SORCS2: variants seen among roughly 807,000 people sequenced by gnomAD.
SORCS2 encodes VPS10 domain-containing receptor SorCS2.
Under a neutral mutation model 141.6 loss-of-function variants are expected in SORCS2, and 100 were observed. The ratio of observed to expected loss-of-function variants is 0.71; its 90% confidence interval spans 0.60 to 0.83. The LOEUF (loss-of-function observed/expected upper bound fraction) is 0.83, where lower values mean the gene tolerates loss of function less well. Ranked by LOEUF, SORCS2 falls within the 40% of genes least tolerant of loss-of-function variation. The pLI, the probability that SORCS2 is intolerant of heterozygous loss-of-function variation, is 0.00. For synonymous variants in SORCS2, 789 were observed against 676.9 expected, an observed-to-expected ratio of 1.17 and a Z score of -2.57; for missense variants, 1,646 against 1,560.2, an observed-to-expected ratio of 1.05 and a Z score of -0.93.
chr4:7,535,929 T>C (rs907702644), intron 3 of SORCS2, among the ~76,000 whole-genome samples: 3 of 152,222 alleles, frequency 2.0e-5, no homozygotes, highest in African/African-American at 7.2e-5. Context: ...AGAGAACAAA[T>C]TAATTATCAG....
intron 1 of SORCS2, among the ~76,000 whole-genome samples, chr4:7,279,015 T>C (rs1354485114): frequency 6.6e-6 from 1 of 152,128 alleles, no homozygotes; most frequent in Non-Finnish European, 1.5e-5. Flanking sequence ...GAAGCCACCA[T>C]CTACCCCTGC....
chr4:7,591,668 A>AG (rs963083469), intron 3 of SORCS2, among the ~76,000 whole-genome samples: 2 of 152,268 alleles, frequency 1.3e-5, no homozygotes, highest in Admixed American at 6.5e-5. Flanking sequence ...AACGATGACG[A>AG]GGGGGGTGTT....
intron 1 of SORCS2, among the ~76,000 whole-genome samples, chr4:7,387,567 G>A (rs1235329073): frequency 8.6e-5 from 11 of 127,880 alleles, no homozygotes; most frequent in African/African-American, 1.2e-4. Flanking sequence ...ATGTACACAC[G>A]CACACATGCA....
intron 2 of SORCS2, among the ~76,000 whole-genome samples, chr4:7,458,201 G>C (rs761219635): frequency 2.0e-5 from 3 of 152,190 alleles, no homozygotes; most frequent in Non-Finnish European, 2.9e-5. Flanking sequence ...TCCTCCTGTG[G>C]GGCGGGGGGA....
At chr4:7,296,776 ACT>A (rs1488285489) in intron 1 of SORCS2, among the ~76,000 whole-genome samples, 2 of 151,708 alleles carry the variant, frequency 1.3e-5, no homozygotes, top group Non-Finnish European at 2.9e-5. Context: ...AAGACATCAG[ACT>A]CTTTCCGGAG....
chr4:7,483,566 C>T (rs751457676), intron 2 of SORCS2, among the ~76,000 whole-genome samples: 3 of 152,120 alleles, frequency 2.0e-5, no homozygotes, highest in Non-Finnish European at 4.4e-5. Flanking sequence ...TTATAAGCCA[C>T]ACTGTGCGGG....
chr4:7,321,091 G>A (rs921923526), intron 1 of SORCS2, among the ~76,000 whole-genome samples: 3 of 152,008 alleles, frequency 2.0e-5, no homozygotes, highest in South Asian at 2.1e-4. Context: ...CCTCAAGCCC[G>A]TCACTCCTGT....
intron 3 of SORCS2, among the ~76,000 whole-genome samples, chr4:7,578,973 G>A (rs1560400992): frequency 6.6e-6 from 1 of 152,198 alleles, no homozygotes; most frequent in Non-Finnish European, 1.5e-5. Flanking sequence ...GTCTTCCCAT[G>A]ATGCCCCCTG....
chr4:7,499,378 G>A (rs1322119964), intron 2 of SORCS2, among the ~76,000 whole-genome samples: 2 of 152,142 alleles, frequency 1.3e-5, no homozygotes, highest in South Asian at 2.1e-4. Context: ...GCAGGGAAGG[G>A]CACAGACTTG....
chr4:7,361,903 G>C (rs950130197), intron 1 of SORCS2, among the ~76,000 whole-genome samples: 3 of 152,032 alleles, frequency 2.0e-5, no homozygotes, highest in Non-Finnish European at 2.9e-5. Context: ...GAAGCGGTGG[G>C]GGGGAGGACG....
chr4:7,594,727 G>T (rs1717144084), intron 3 of SORCS2, among the ~76,000 whole-genome samples: 1 of 152,058 alleles, frequency 6.6e-6, no homozygotes, highest in South Asian at 2.1e-4. Context: ...TCTATGAGTG[G>T]GTGTCTTGGA....
chr4:7,365,945 C>T (rs771246362), intron 1 of SORCS2, among the ~76,000 whole-genome samples: 3 of 152,178 alleles, frequency 2.0e-5, no homozygotes, highest in Non-Finnish European at 4.4e-5. Flanking sequence ...AAAACAGCAC[C>T]CAGCAAAACG....
chr4:7,631,276 G>A (rs6824296), intron 3 of SORCS2, among the ~76,000 whole-genome samples: 1 of 151,294 alleles, frequency 6.6e-6, no homozygotes, highest in African/African-American at 2.4e-5. Context: ...CTGACAAGCA[G>A]GTCCAAGCAG....
intron 1 of SORCS2, among the ~76,000 whole-genome samples, chr4:7,242,496 C>T (rs1712771073): frequency 6.6e-6 from 1 of 152,152 alleles, no homozygotes; most frequent in African/African-American, 2.4e-5. Context: ...AGCCACTGCA[C>T]TGGTCTTCTG....
At chr4:7,240,988 G>A (rs998017399) in intron 1 of SORCS2, among the ~76,000 whole-genome samples, 1 of 152,182 alleles carries the variant, frequency 6.6e-6, no homozygotes, top group East Asian at 1.9e-4. Context: ...AGGCTGGAGT[G>A]CAATGGCACG....
At chr4:7,453,290 G>C (rs1577588822) in intron 2 of SORCS2, among the ~76,000 whole-genome samples, 1 of 130,092 alleles carries the variant, frequency 7.7e-6, no homozygotes, top group Non-Finnish European at 1.6e-5. Flanking sequence ...GTCAGGAGCT[G>C]TGTGTTGGGG....
intron 1 of SORCS2, among the ~76,000 whole-genome samples, chr4:7,296,279 C>T (rs887333452): frequency 1.1e-4 from 17 of 152,226 alleles, no homozygotes; most frequent in African/African-American, 3.4e-4. Context: ...CTCTTTTCCC[C>T]GGAGCAAGCA....
chr4:7,373,011 T>TTTG (rs1453746156), intron 1 of SORCS2, among the ~76,000 whole-genome samples: 1 of 151,384 alleles, frequency 6.6e-6, no homozygotes, highest in African/African-American at 2.4e-5. Flanking sequence ...TTTCTGTTTT[T>TTTG]TTTTTTTTTT....
Position 7,664,414 on chromosome 4 carries a change from C to G in SORCS2, c.1014C>G (p.Phe338Leu), listed in dbSNP as rs114808144. ...NCSEKMLTAP[F>L]AGPIDHGSLT... ...CCGAGAAGATGCTGACAGCCCCATT[C>G]GCAGGCCCCATTGACCACGGGTCTC... Residue 338 changes from phenylalanine (F) to leucine (L), a missense_variant, in exon 7 of 27, where the codon TTC (phenylalanine) becomes TTG (leucine). Physicochemically the swap from Phe to Leu is conservative, Grantham distance 22 (BLOSUM62 0). Transcript: ENST00000507866. This position sits in a 1 kb window ranked among gnomAD's most constrained non-coding sequence, Gnocchi z 4.7. 30 of 1,613,934 alleles carry G rather than the reference C, an allele frequency of 1.9e-5. No homozygotes were observed. Among genetic ancestry groups the G allele is most frequent in the Non-Finnish European group, 2.5e-5 (29 of 1,179,876 alleles).
Sources: allele counts gnomAD v4.1 joint callset (sites outside exome capture counted in the v4.1 genomes callset), GRCh38; gene constraint gnomAD v4.1.1; non-coding constraint Gnocchi (gnomAD v3.1); transcripts MANE v1.5; gene names NCBI Gene and HGNC (gene_info 2026-07-23, HGNC 2026-07-21).